The following THSD7A variants were observed in gnomAD, a reference collection of about 807,000 sequenced individuals.
The protein encoded by THSD7A is thrombospondin type 1 domain containing 7A.
THSD7A carries 96 observed loss-of-function variants against 231.3 expected under a neutral mutation model. The ratio of observed to expected loss-of-function variants is 0.41; its 90% CI spans 0.35 to 0.49. The LOEUF (loss-of-function observed/expected upper bound fraction) is 0.49, where lower values mean the gene tolerates loss of function less well. Ranked by LOEUF, THSD7A falls within the 20% of genes least tolerant of loss-of-function variation. The probability of loss-of-function intolerance (pLI) is 0.05; values close to 1 mark genes in which losing one functional copy is unlikely to be tolerated. For missense variants in THSD7A, 2,290 were observed against 2,070.2 expected (o/e 1.11, Z -2.06); for synonymous variants, 940 against 743.3 (o/e 1.26, Z -4.30).
intron 1 of THSD7A, among the ~76,000 whole-genome samples, chr7:11,795,459 A>C (rs1273088960): frequency 6.6e-6 from 1 of 151,986 alleles, no homozygotes; most frequent in African/African-American, 2.4e-5. Flanking sequence ...ATGTTTTACA[A>C]ATAACAGATG....
At chr7:11,602,409 GT>G (rs1780583940) in intron 2 of THSD7A, among the ~76,000 whole-genome samples, 1 of 152,068 alleles carries the variant, frequency 6.6e-6, no homozygotes, top group Non-Finnish European at 1.5e-5. Context: ...GGCTTCAGAA[GT>G]ACAAAGATAA....
chr7:11,624,216 C>A (rs551226322), intron 2 of THSD7A, among the ~76,000 whole-genome samples: 7 of 152,152 alleles, frequency 4.6e-5, no homozygotes, highest in African/African-American at 1.7e-4. Context: ...CTTCCTCACC[C>A]CATTCTTGGA....
chr7:11,397,739 G>A (rs185156891), intron 23 of THSD7A, among the ~76,000 whole-genome samples: 88 of 152,206 alleles, frequency 5.8e-4, no homozygotes, highest in East Asian at 1.5e-3. Context: ...AAAAGTGGGC[G>A]AAGAATATGA....
At chr7:11,396,783 G>A (rs1284938173) in intron 23 of THSD7A, among the ~76,000 whole-genome samples, 1 of 152,094 alleles carries the variant, frequency 6.6e-6, no homozygotes, top group Non-Finnish European at 1.5e-5. Flanking sequence ...CATTTTATGA[G>A]GCCACCATCA....
rs1491347103 is a variant in THSD7A, at chr7:11,769,122, A to ATATATATATATATATATATAT, written c.190+62634_190+62635insATATATATATATATATATATA. ...ACAGGCACCTGCCATAATTCCTGGCAATATATATATATATATATATATATA... is the reference window on the plus strand; with the variant it reads ...ACAGGCACCTGCCATAATTCCTGGCATATATATATATATATATATATATATATATATATATATATATATATA... On this transcript the variant is annotated intron_variant, in intron 1 of 27. Transcript: ENST00000423059. 9.2e-4 allele frequency among the ~76,000 whole-genome samples: 33 copies of ATATATATATATATATATATAT among 35,884 alleles called. 5 individuals are homozygous for ATATATATATATATATATATAT. Among genetic ancestry groups the ATATATATATATATATATATAT allele is most frequent in the East Asian group, 1.9e-3 (3 of 1,612 alleles). The allele number at this position is 35,884 out of a possible 152,430, so 23.5% of individuals were successfully genotyped here. A position where few individuals can be genotyped will look rare whatever the true frequency, so the allele number is the denominator to read the frequency against.
At chr7:11,408,353 C>T (rs1406080708) in intron 19 of THSD7A, among the ~76,000 whole-genome samples, 2 of 151,832 alleles carry the variant, frequency 1.3e-5, no homozygotes, top group Non-Finnish European at 2.9e-5. Context: ...TAAAAATTAG[C>T]TGGGATTGGT....
chr7:11,609,350 T>G (rs1000266796), intron 2 of THSD7A, among the ~76,000 whole-genome samples: 1 of 152,110 alleles, frequency 6.6e-6, no homozygotes, highest in Non-Finnish European at 1.5e-5. Flanking sequence ...GAAACCTTCA[T>G]GGGACACAAT....
chr7:11,384,527 GT>G (rs547938960), intron 23 of THSD7A: 6 of 151,890 alleles, frequency 4.0e-5, no homozygotes, highest in African/African-American at 1.4e-4. Context: ...TGAAAATATA[GT>G]TTTGTATGTG....
rs1400123521 is a variant in THSD7A, at chr7:11,376,606, A to G, written c.4853T>C (p.Leu1618Ser). The change falls in exon 27 of 28, where the codon TTA becomes TCA. Residue 1618 changes from leucine to serine, a missense_variant. By Grantham distance (145) the Leu-to-Ser change is moderately radical (BLOSUM62 -2). Transcript: ENST00000423059. ...AATCATGGAGACAATAAAGATGAGT[A>G]ACACAAATGCCCCAGCTGCTACACC... ...VYGVAAGAFV[L>S]LIFIVSMIYL... The G allele has an allele frequency of 1.4e-5, 23 of 1,588,890 alleles. No homozygotes were observed. The highest frequency in any genetic ancestry group is 2.0e-5 in the Non-Finnish European group (23 of 1,166,860).
At chr7:11,577,876 T>C (rs1167833566) in intron 4 of THSD7A, among the ~76,000 whole-genome samples, 3 of 152,038 alleles carry the variant, frequency 2.0e-5, no homozygotes, top group East Asian at 3.9e-4. Flanking sequence ...CTACTTAAAA[T>C]TCGCAAGGCT....
intron 1 of THSD7A, among the ~76,000 whole-genome samples, chr7:11,784,848 A>G (rs1209500974): frequency 1.3e-5 from 2 of 152,108 alleles, no homozygotes; most frequent in Non-Finnish European, 2.9e-5. Flanking sequence ...AATGCCATAA[A>G]TTCCGGGTGT....
intron 2 of THSD7A, among the ~76,000 whole-genome samples, chr7:11,606,659 AT>A (rs869282022): frequency 2.8e-5 from 4 of 144,450 alleles, no homozygotes; most frequent in African/African-American, 4.9e-5. Context: ...AAATTTAATA[AT>A]ACTTTTTTAT....
intron 6 of THSD7A, among the ~76,000 whole-genome samples, chr7:11,534,203 CAG>C: frequency 6.6e-6 from 1 of 152,160 alleles, no homozygotes; most frequent in East Asian, 1.9e-4. Context: ...TAATTGTAAC[CAG>C]AGAGTAGACC....
chr7:11,788,795 A>C (rs1783866124), intron 1 of THSD7A, among the ~76,000 whole-genome samples: 1 of 152,058 alleles, frequency 6.6e-6, no homozygotes, highest in Admixed American at 6.6e-5. Context: ...ATATAATCAA[A>C]CATTCAGTGT....
chr7:11,599,048 T>C (rs1400346914), intron 2 of THSD7A, among the ~76,000 whole-genome samples: 1 of 152,172 alleles, frequency 6.6e-6, no homozygotes, highest in Non-Finnish European at 1.5e-5. Context: ...AGGAAAAGTA[T>C]GCATGGAATA....
intron 1 of THSD7A, among the ~76,000 whole-genome samples, chr7:11,663,099 C>A (rs1782992714): frequency 1.3e-5 from 2 of 150,934 alleles, no homozygotes; most frequent in African/African-American, 2.4e-5. Flanking sequence ...AAATATACAA[C>A]AAAGTTACTA....
At chr7:11,650,958 T>C (rs1230936490) in intron 1 of THSD7A, among the ~76,000 whole-genome samples, 1 of 151,982 alleles carries the variant, frequency 6.6e-6, no homozygotes. Context: ...ACTCAAAAGA[T>C]AGTGAGGGCC....
intron 1 of THSD7A, among the ~76,000 whole-genome samples, chr7:11,809,880 A>T (rs1385601709): frequency 6.6e-6 from 1 of 152,176 alleles, no homozygotes; most frequent in Non-Finnish European, 1.5e-5. Context: ...ATTGTATCTA[A>T]TATTTGATTT....
intron 16 of THSD7A, among the ~76,000 whole-genome samples, chr7:11,421,761 T>A (rs1278769107): frequency 2.6e-5 from 4 of 152,216 alleles, no homozygotes; most frequent in African/African-American, 9.6e-5. Flanking sequence ...ATTATGAACA[T>A]CTTCCTGTCA....
Sources: gnomAD v4.1 joint callset for allele counts (sites outside exome capture counted in the v4.1 genomes callset) on GRCh38, gnomAD v4.1.1 for gene constraint, MANE v1.5 for transcripts, NCBI Gene and HGNC (gene_info 2026-07-23, HGNC 2026-07-21) for gene names.